Variants in METTL9 observed in about 807,000 individuals in gnomAD.
METTL9 encodes the protein protein-L-histidine N-pros-methyltransferase.
METTL9 carries 10 observed loss-of-function variants against 36.0 expected under a neutral mutation model. The observed-to-expected ratio is 0.28, with a 90% CI of 0.17 to 0.47. The LOEUF (loss-of-function observed/expected upper bound fraction) is 0.47. METTL9 is among the 20% of genes least tolerant of loss of function. METTL9 has a pLI of 0.99. For synonymous variants in METTL9, 175 were observed against 149.7 expected (o/e 1.17, Z -1.23); for missense variants, 246 against 383.5 (o/e 0.64, Z 3.00).
chr16:21,622,896 TTTG>T (rs549708906), intron 3 of METTL9, among the ~76,000 whole-genome samples: 43 of 152,346 alleles, frequency 2.8e-4, no homozygotes, highest in African/African-American at 1.0e-3. Context: ...TCAGATTTTT[TTTG>T]TTGTTTTGTT....
At chr16:21,602,163 A>G (rs1255025637) in intron 1 of METTL9, among the ~76,000 whole-genome samples, 1 of 152,188 alleles carries the variant, frequency 6.6e-6, no homozygotes, top group East Asian at 1.9e-4. Flanking sequence ...TGAGTTCCAT[A>G]GCCAGCCACA....
chr16:21,638,328 G>A lies in METTL9; in HGVS notation c.751+13213G>A, dbSNP rs200927730. Among the ~76,000 whole-genome samples the A allele has an allele frequency of 8.8e-3, 1,335 of 152,190 alleles. 46 individuals carry two copies. Among genetic ancestry groups the A allele is most frequent in the East Asian group, 0.083 (427 of 5,158 alleles). The stretch of plus-strand genomic sequence containing the variant: ...AGCAAAACTCCATCTCAAGAAGAAA[G>A]AAAAAGTTGCAGTTTAATTCTTTTC... On this transcript the variant is annotated intron_variant, in intron 4 of 4. Transcript: ENST00000358154.
chr16:21,654,135 G>A (rs1005084179), intron 4 of METTL9: 1 of 140,404 alleles, frequency 7.1e-6, no homozygotes, highest in Admixed American at 7.7e-5. Flanking sequence ...TCCGCCTCCC[G>A]GGTTCACACC....
At chr16:21,633,192 CT>C (rs1486788207) in intron 4 of METTL9, among the ~76,000 whole-genome samples, 3 of 152,134 alleles carry the variant, frequency 2.0e-5, no homozygotes, top group Non-Finnish European at 4.4e-5. Context: ...GCCCTCATTC[CT>C]TGCTGAGGGC....
intron 4 of METTL9, among the ~76,000 whole-genome samples, chr16:21,631,878 CTG>C (rs998944659): frequency 2.0e-5 from 3 of 152,216 alleles, no homozygotes; most frequent in African/African-American, 7.2e-5. Context: ...ATAGGGTACA[CTG>C]TTTTTTCTTT....
chr16:21,615,017 T>TCC (rs1965518048), intron 2 of METTL9, among the ~76,000 whole-genome samples: 1 of 152,210 alleles, frequency 6.6e-6, no homozygotes, highest in Non-Finnish European at 1.5e-5. Flanking sequence ...CCTTGCCCAC[T>TCC]AAATGGCAGT....
At chr16:21,613,220 C>A (rs1965476503) in intron 2 of METTL9, among the ~76,000 whole-genome samples, 1 of 121,396 alleles carries the variant, frequency 8.2e-6, no homozygotes, top group Non-Finnish European at 1.6e-5. Flanking sequence ...CAGTCCTGCT[C>A]TGTTTCCCAG....
intron 4 of METTL9, chr16:21,644,347 T>C (rs1966363980): frequency 6.2e-7 from 1 of 1,614,056 alleles, no homozygotes; most frequent in Non-Finnish European, 8.5e-7. Flanking sequence ...AGAGCAGTGA[T>C]ACAAGAGCTG....
intron 4 of METTL9, among the ~76,000 whole-genome samples, chr16:21,650,281 C>G (rs1052417433): frequency 6.6e-6 from 1 of 152,072 alleles, no homozygotes; most frequent in Non-Finnish European, 1.5e-5. Flanking sequence ...CCGAGGCGGG[C>G]AGATCACCTG....
chr16:21,606,148 A>G (rs1965281153), intron 1 of METTL9, among the ~76,000 whole-genome samples: 1 of 152,068 alleles, frequency 6.6e-6, no homozygotes, highest in Non-Finnish European at 1.5e-5. Context: ...CATCCCGGCT[A>G]ACAGGGTGAA....
intron 1 of METTL9, among the ~76,000 whole-genome samples, chr16:21,601,587 T>C (rs1409537366): frequency 6.6e-6 from 1 of 152,156 alleles, no homozygotes; most frequent in African/African-American, 2.4e-5. Flanking sequence ...GGAGGCGGAA[T>C]TGCAGCTGTA....
chr16:21,634,647 C>T (rs1486989560), intron 4 of METTL9, among the ~76,000 whole-genome samples: 2 of 152,168 alleles, frequency 1.3e-5, no homozygotes, highest in Non-Finnish European at 2.9e-5. Flanking sequence ...AATAATGCCT[C>T]CAGATTTTGT....
At chr16:21,635,678 C>T (rs977844894) in intron 4 of METTL9, among the ~76,000 whole-genome samples, 4 of 152,096 alleles carry the variant, frequency 2.6e-5, no homozygotes, top group African/African-American at 9.7e-5. Context: ...GCTTCTTTTT[C>T]AGGGTTTGTG....
At chr16:21,646,978 A>C in intron 4 of METTL9, 1 of 1,009,490 alleles carries the variant, frequency 9.9e-7, no homozygotes, top group South Asian at 1.3e-5. Context: ...TTTAGTCCAA[A>C]CCTCATGGTG....
intron 1 of METTL9, among the ~76,000 whole-genome samples, chr16:21,609,485 A>G (rs1451691536): frequency 6.6e-6 from 1 of 152,188 alleles, no homozygotes; most frequent in East Asian, 1.9e-4. Context: ...GTATTAGAAC[A>G]GGGGGCCTAG....
At chr16:21,639,081 TAAG>T (rs1440308838) in intron 4 of METTL9, among the ~76,000 whole-genome samples, 6 of 152,184 alleles carry the variant, frequency 3.9e-5, no homozygotes, top group Admixed American at 2.0e-4. Flanking sequence ...TTTAACAAAA[TAAG>T]AAACTCTTCC....
intron 2 of METTL9, among the ~76,000 whole-genome samples, chr16:21,615,508 C>T (rs42752): frequency 0.6 from 91,615 of 151,934 alleles, 28,316 homozygotes; most frequent in South Asian, 0.75. Flanking sequence ...GGATTACAGA[C>T]GTGAGCCACC....
chr16:21,652,643 A>G (rs199607865), intron 4 of METTL9: 9 of 1,508,570 alleles, frequency 6.0e-6, no homozygotes, highest in East Asian at 2.3e-5. Flanking sequence ...TTGAAAGGAA[A>G]GTTGGCTTTC....
chr16:21,654,442 G>T, intron 4 of METTL9: 1 of 152,372 alleles, frequency 6.6e-6, no homozygotes, highest in Non-Finnish European at 1.5e-5. Context: ...TCATCTCTGT[G>T]TGTGTGTCTG....
Sources: allele counts gnomAD v4.1 joint callset (sites outside exome capture counted in the v4.1 genomes callset), GRCh38; gene constraint gnomAD v4.1.1; transcripts MANE v1.5; gene names NCBI Gene and HGNC (gene_info 2026-07-23, HGNC 2026-07-21).